CEP128: variants seen among roughly 807,000 people sequenced by gnomAD.
CEP128 encodes centrosomal protein 128kDa.
CEP128 carries 132 observed loss-of-function variants against 156.7 expected under a neutral mutation model. The observed-to-expected ratio is 0.84, with a 90% CI of 0.73 to 0.97. CEP128 has a LOEUF of 0.97. Ranked by LOEUF, CEP128 falls within the 50% of genes least tolerant of loss-of-function variation. The pLI, the probability that CEP128 is intolerant of heterozygous loss-of-function variation, is 0.00. For missense variants in CEP128, 1,252 were observed against 1,281.9 expected, an observed-to-expected ratio of 0.98 and a Z score of 0.36; for synonymous variants, 469 against 448.9, an observed-to-expected ratio of 1.04 and a Z score of -0.57.
At chr14:80,509,176 C>T (rs1888128957) in intron 23 of CEP128, among the ~76,000 whole-genome samples, 1 of 152,190 alleles carries the variant, frequency 6.6e-6, no homozygotes, top group Non-Finnish European at 1.5e-5. Flanking sequence ...AGATACCTAG[C>T]TGGATCATAT....
intron 20 of CEP128, among the ~76,000 whole-genome samples, chr14:80,563,903 T>C (rs1890802715): frequency 6.6e-6 from 1 of 152,174 alleles, no homozygotes; most frequent in Admixed American, 6.6e-5. Flanking sequence ...TAAATTATTG[T>C]ATTACACTAA....
chr14:80,782,480 G>A (rs112390348), intron 15 of CEP128, among the ~76,000 whole-genome samples: 13 of 152,090 alleles, frequency 8.5e-5, no homozygotes, highest in African/African-American at 2.7e-4. Flanking sequence ...GACTAGTCTC[G>A]GTCAGTTTGT....
chr14:80,761,043 G>A (rs1899938295), intron 17 of CEP128, among the ~76,000 whole-genome samples: 1 of 152,004 alleles, frequency 6.6e-6, no homozygotes, highest in South Asian at 2.1e-4. Context: ...GAGGATAATG[G>A]AGAGACTAAA....
At chr14:80,502,282 T>C (rs1702802270) in intron 24 of CEP128, among the ~76,000 whole-genome samples, 1 of 151,812 alleles carries the variant, frequency 6.6e-6, no homozygotes, top group South Asian at 2.1e-4. Context: ...AAGAAAAGAG[T>C]GAAACAAGAA....
chr14:80,500,515 TG>T lies in CEP128; in HGVS notation c.3182-2934del, dbSNP rs531924856. ...ACATTTACTAGTCAGACATTAAAGC[TG>T]GGGTTTTCTCAGTAACACTTGTCTT... On this transcript the variant is annotated intron_variant, in intron 24 of 24. Coordinates refer to ENST00000555265, the MANE Select transcript of CEP128 (RefSeq NM_152446.5). 5.3e-5 allele frequency among the ~76,000 whole-genome samples: 8 copies of T among 152,374 alleles called. No individual in the cohort carries two copies. In the South Asian group the frequency reaches 1.7e-3, roughly 32 times the overall value.
intron 19 of CEP128, among the ~76,000 whole-genome samples, chr14:80,742,165 C>T (rs187667334): frequency 1.3e-5 from 2 of 152,194 alleles, no homozygotes; most frequent in Admixed American, 1.3e-4. Flanking sequence ...ACACACCAGA[C>T]AAAAGATTAA....
chr14:80,734,513 T>C (rs2139546887), intron 19 of CEP128, among the ~76,000 whole-genome samples: 1 of 151,992 alleles, frequency 6.6e-6, no homozygotes, highest in Non-Finnish European at 1.5e-5. Context: ...TTAAACAGTG[T>C]CTGGCACATA....
At chr14:80,824,590 T>TACC (rs1795012864) in intron 13 of CEP128, among the ~76,000 whole-genome samples, 1 of 152,160 alleles carries the variant, frequency 6.6e-6, no homozygotes, top group Non-Finnish European at 1.5e-5. Context: ...AGGAGCAATA[T>TACC]ACCACCTGTC....
intron 19 of CEP128, among the ~76,000 whole-genome samples, chr14:80,629,807 T>A (rs1029620871): frequency 6.6e-6 from 1 of 152,016 alleles, no homozygotes; most frequent in Non-Finnish European, 1.5e-5. Context: ...TTGAGTCACA[T>A]ATTTCTGGGA....
intron 2 of CEP128, among the ~76,000 whole-genome samples, chr14:80,933,591 T>C (rs908870569): frequency 1.3e-5 from 2 of 152,190 alleles, no homozygotes; most frequent in African/African-American, 2.4e-5. Context: ...ATTTAGCCCA[T>C]GGGATATGGC....
intron 6 of CEP128, among the ~76,000 whole-genome samples, chr14:80,904,074 AT>A (rs1883738192): frequency 6.6e-6 from 1 of 152,190 alleles, no homozygotes; most frequent in Non-Finnish European, 1.5e-5. Context: ...AACAGCCAAG[AT>A]CGGCAAACAA....
intron 19 of CEP128, among the ~76,000 whole-genome samples, chr14:80,700,629 A>G (rs1369552782): frequency 6.6e-6 from 1 of 152,136 alleles, no homozygotes; most frequent in Non-Finnish European, 1.5e-5. Context: ...GCTTAGTCCT[A>G]GTCATTCCAA....
chr14:80,777,288 C>T (rs1265887192), intron 16 of CEP128, among the ~76,000 whole-genome samples: 1 of 151,972 alleles, frequency 6.6e-6, no homozygotes, highest in African/African-American at 2.4e-5. Flanking sequence ...AGGATTAATG[C>T]CCTTATAAAA....
At chr14:80,579,180 T>TA (rs1891483863) in intron 20 of CEP128, among the ~76,000 whole-genome samples, 1 of 152,158 alleles carries the variant, frequency 6.6e-6, no homozygotes, top group Non-Finnish European at 1.5e-5. Context: ...CCACAATGCC[T>TA]AAAAAAGACT....
intron 23 of CEP128, among the ~76,000 whole-genome samples, chr14:80,519,092 C>G (rs984837409): frequency 2.6e-5 from 4 of 152,212 alleles, no homozygotes; most frequent in African/African-American, 9.7e-5. Context: ...ACATTCTTTG[C>G]AATTCTAATA....
intron 14 of CEP128, among the ~76,000 whole-genome samples, chr14:80,485,136 G>A (rs1887134598): frequency 6.6e-6 from 1 of 152,088 alleles, no homozygotes; most frequent in Admixed American, 6.6e-5. Context: ...TCCAGTAATG[G>A]TTCTGAGAAT....
chr14:80,904,240 G>C (rs2139439106), intron 6 of CEP128, among the ~76,000 whole-genome samples: 1 of 152,218 alleles, frequency 6.6e-6, no homozygotes, highest in East Asian at 1.9e-4. Flanking sequence ...GCCAGGCACA[G>C]AAAGACAAAC....
rs73344040 is a variant in CEP128 at position 80,904,763 on chromosome 14, T to C, written c.480+50A>G. 610 of 1,000,852 alleles carry C rather than the reference T, an allele frequency of 6.1e-4. 2 individuals carry two copies. The African/African-American group carries it at 8.1e-3, about 13-fold the overall frequency. The allele number at this position is 1,000,852 out of a possible 1,614,324, so 62.0% of individuals were successfully genotyped here. On this transcript the variant is annotated intron_variant, in intron 6 of 24. Coordinates refer to ENST00000555265, the MANE Select transcript of CEP128 (RefSeq NM_152446.5). Reference sequence around the variant, plus strand: ...TCAAGCATTAGTCATTTATATACAATAGAAGCATAAGGAAATACTGCACAC... The same window carrying C: ...TCAAGCATTAGTCATTTATATACAACAGAAGCATAAGGAAATACTGCACAC...
At chr14:80,676,860 A>C (rs909663298) in intron 19 of CEP128, among the ~76,000 whole-genome samples, 7 of 152,210 alleles carry the variant, frequency 4.6e-5, no homozygotes, top group Non-Finnish European at 8.8e-5. Flanking sequence ...ATATTTGCAG[A>C]TCTGGGACAA....
Sources: gnomAD v4.1 joint callset for allele counts (sites outside exome capture counted in the v4.1 genomes callset) on GRCh38, gnomAD v4.1.1 for gene constraint, MANE v1.5 for transcripts, NCBI Gene and HGNC (gene_info 2026-07-23, HGNC 2026-07-21) for gene names.